Variants in NLGN1 observed in about 807,000 individuals in gnomAD.
NLGN1 encodes neuroligin 1.
A neutral mutation model predicts 65.5 loss-of-function variants in NLGN1; 12 were observed. The ratio of observed to expected loss-of-function variants is 0.18; its 90% CI spans 0.12 to 0.30. The LOEUF is 0.30. Ranked by LOEUF, NLGN1 falls within the 10% of genes least tolerant of loss-of-function variation. The probability of loss-of-function intolerance (pLI) is 1.00; values close to 1 mark genes in which losing one functional copy is unlikely to be tolerated. For missense variants in NLGN1, 750 were observed against 1,007.1 expected, an observed-to-expected ratio of 0.74 and a Z score of 3.46; for synonymous variants, 350 against 359.5, an observed-to-expected ratio of 0.97 and a Z score of 0.30.
At chr3:173,834,820 A>G (rs189087280) in intron 4 of NLGN1, among the ~76,000 whole-genome samples, 6 of 152,190 alleles carry the variant, frequency 3.9e-5, no homozygotes, top group Admixed American at 6.5e-5. Context: ...ATTTATCTCT[A>G]TGTAATCACT....
intron 4 of NLGN1, among the ~76,000 whole-genome samples, chr3:174,255,706 C>T (rs552415861): frequency 3.7e-4 from 56 of 151,068 alleles, no homozygotes; most frequent in African/African-American, 1.3e-3. Context: ...TCGCCCAGGC[C>T]GGAGTGCAAT....
chr3:174,069,044 T>C (rs1207575781), intron 4 of NLGN1, among the ~76,000 whole-genome samples: 1 of 152,126 alleles, frequency 6.6e-6, no homozygotes, highest in African/African-American at 2.4e-5. Context: ...TTAAGGAGGA[T>C]AACAGAGTTT....
chr3:173,409,928 G>A (rs1712158731), intron 1 of NLGN1, among the ~76,000 whole-genome samples: 1 of 152,152 alleles, frequency 6.6e-6, no homozygotes, highest in Non-Finnish European at 1.5e-5. Flanking sequence ...CCTGTAGGGG[G>A]GCCAAGAGGC....
chr3:173,620,182 G>A (rs73174593), intron 3 of NLGN1, among the ~76,000 whole-genome samples: 17,011 of 152,168 alleles, frequency 0.11, 974 homozygotes, highest in Middle Eastern at 0.24. Flanking sequence ...CCACGATAGG[G>A]AATAACTAGA....
intron 4 of NLGN1, among the ~76,000 whole-genome samples, chr3:173,906,597 G>A (rs1159476904): frequency 6.6e-6 from 1 of 152,036 alleles, no homozygotes; most frequent in Non-Finnish European, 1.5e-5. Context: ...TCCCACGATG[G>A]AGGCAAAACA....
intron 2 of NLGN1, 64 bp from the exon 2 acceptor site, chr3:173,604,215 A>G (rs1421994936): frequency 5.6e-6 from 1 of 177,906 alleles, no homozygotes; most frequent in East Asian, 1.5e-4. Flanking sequence ...ATTGTAAAAC[A>G]TCTAGTTATC....
At chr3:173,862,049 G>T (rs960381049) in intron 4 of NLGN1, among the ~76,000 whole-genome samples, 1 of 151,762 alleles carries the variant, frequency 6.6e-6, no homozygotes, top group Non-Finnish European at 1.5e-5. Flanking sequence ...AATTACAGGC[G>T]TGAGCCACCA....
intron 3 of NLGN1, among the ~76,000 whole-genome samples, chr3:173,769,280 A>G (rs908336216): frequency 6.6e-6 from 1 of 152,174 alleles, no homozygotes; most frequent in Non-Finnish European, 1.5e-5. Context: ...TCCAGGAGAA[A>G]GACCAAGCTA....
rs142949210 is a variant in NLGN1, at chr3:173,987,807, T to C, written c.646+179975T>C. The stretch of plus-strand genomic sequence containing the variant: ...GACTTAGCAAATGACTTAATTCTTT[T>C]TGGCATTTTTCGGTAAGGGAGACTT... On this transcript the variant is annotated intron_variant, in intron 4 of 6. Coordinates refer to ENST00000457714, the Ensembl canonical transcript of NLGN1. Among the ~76,000 whole-genome samples, 1,004 of 152,336 alleles carry C rather than the reference T, an allele frequency of 6.6e-3. 10 individuals are homozygous for C. Among genetic ancestry groups the C allele is most frequent in the African/African-American group, 0.023 (963 of 41,592 alleles).
chr3:173,594,460 G>A (rs536911708), intron 2 of NLGN1, among the ~76,000 whole-genome samples: 6 of 152,176 alleles, frequency 3.9e-5, no homozygotes, highest in Non-Finnish European at 7.3e-5. Flanking sequence ...CATGGTCTTG[G>A]GCAGCTCTAC....
intron 4 of NLGN1, among the ~76,000 whole-genome samples, chr3:174,224,248 A>C (rs959581139): frequency 6.6e-6 from 1 of 152,188 alleles, no homozygotes; most frequent in African/African-American, 2.4e-5. Context: ...ACTAATTACT[A>C]TATCATACAG....
chr3:174,212,164 GGGCC>G (rs1736763181), intron 4 of NLGN1, among the ~76,000 whole-genome samples: 1 of 152,208 alleles, frequency 6.6e-6, no homozygotes, highest in Non-Finnish European at 1.5e-5. Context: ...CAGCGCCGGT[GGGCC>G]GGCACTGCTG....
intron 3 of NLGN1, among the ~76,000 whole-genome samples, chr3:173,742,825 G>A (rs1431844321): frequency 6.6e-6 from 1 of 152,074 alleles, no homozygotes; most frequent in East Asian, 1.9e-4. Flanking sequence ...TTTTAGGGAT[G>A]TGTTTCCATT....
chr3:173,943,941 A>T (rs1197116230), intron 4 of NLGN1, among the ~76,000 whole-genome samples: 1 of 152,208 alleles, frequency 6.6e-6, no homozygotes, highest in East Asian at 1.9e-4. Flanking sequence ...CATTAGTAAC[A>T]AATATGTTTG....
chr3:173,680,995 A>G (rs1287777503), intron 3 of NLGN1, among the ~76,000 whole-genome samples: 1 of 152,096 alleles, frequency 6.6e-6, no homozygotes, highest in Non-Finnish European at 1.5e-5. Context: ...AAGATTTCCC[A>G]TTTGCTTCAT....
intron 4 of NLGN1, among the ~76,000 whole-genome samples, chr3:173,851,655 A>G (rs1284037223): frequency 6.6e-6 from 1 of 152,132 alleles, no homozygotes; most frequent in Non-Finnish European, 1.5e-5. Flanking sequence ...TGATAATATT[A>G]TCCCCTTGAC....
At chr3:173,779,565 T>G (rs1483240914) in intron 3 of NLGN1, among the ~76,000 whole-genome samples, 3 of 152,126 alleles carry the variant, frequency 2.0e-5, no homozygotes, top group Non-Finnish European at 4.4e-5. Flanking sequence ...AAGATAAAGT[T>G]GGCATGGTCT....
intron 2 of NLGN1, among the ~76,000 whole-genome samples, chr3:173,600,033 T>C (rs1245777918): frequency 6.6e-6 from 1 of 152,090 alleles, no homozygotes; most frequent in Non-Finnish European, 1.5e-5. Context: ...TAGCACCTGT[T>C]AGTGAGGTGG....
intron 5 of NLGN1, 88 bp from the exon 6 acceptor site, chr3:174,278,767 GGTTTTT>G: frequency 9.7e-7 from 1 of 1,030,266 alleles, no homozygotes; most frequent in Non-Finnish European, 1.3e-6. Context: ...GCTGTATCTG[GGTTTTT>G]ATATACATGT....
Sources: gnomAD v4.1 joint callset for allele counts (sites outside exome capture counted in the v4.1 genomes callset) on GRCh38, gnomAD v4.1.1 for gene constraint, MANE v1.5 for transcripts, NCBI Gene and HGNC (gene_info 2026-07-23, HGNC 2026-07-21) for gene names.